SLC22A25: variants seen among roughly 807,000 people sequenced by gnomAD.
SLC22A25 encodes the protein solute carrier family 22 member 25, also known as MGI:2442751, MGI:2385316, MGI:3042283, MGI:3645714, MGI:3605624, MGI:2442750.
A neutral mutation model predicts 45.9 loss-of-function variants in SLC22A25; 44 were observed. The observed-to-expected ratio is 0.96, with a 90% CI of 0.75 to 1.23. The LOEUF (loss-of-function observed/expected upper bound fraction) is 1.23, where lower values mean the gene tolerates loss of function less well. Among genes scored for constraint, SLC22A25 ranks in the 50% most tolerant of loss-of-function variants. The pLI, the probability that SLC22A25 is intolerant of heterozygous loss-of-function variation, is 0.00. For synonymous variants in SLC22A25, 283 were observed against 238.6 expected (o/e 1.19, Z -1.72); for missense variants, 800 against 666.4 (o/e 1.20, Z -2.21).
At chr11:63,207,125 G>T (rs2089427513) in intron 7 of SLC22A25, among the ~76,000 whole-genome samples, 1 of 152,114 alleles carries the variant, frequency 6.6e-6, no homozygotes, top group African/African-American at 2.4e-5. Context: ...AACTCAGGAT[G>T]AATTAAAGAC....
intron 5 of SLC22A25, among the ~76,000 whole-genome samples, chr11:63,227,983 C>A (rs1442680908): frequency 6.6e-6 from 1 of 152,202 alleles, no homozygotes. Context: ...ATTCTCTGTG[C>A]CACATGGCCA....
At chr11:63,198,161 T>C (rs2089118056) in intron 7 of SLC22A25, among the ~76,000 whole-genome samples, 1 of 152,214 alleles carries the variant, frequency 6.6e-6, no homozygotes, top group Non-Finnish European at 1.5e-5. Flanking sequence ...TGGAAGACAG[T>C]GTGGTGATTC....
chr11:63,170,757 C>T (rs1361493822), intron 9 of SLC22A25, among the ~76,000 whole-genome samples: 1 of 148,728 alleles, frequency 6.7e-6, no homozygotes, highest in East Asian at 1.9e-4. Context: ...TGGAACAATT[C>T]CTTCTGAAAA....
At chr11:63,231,915 T>C (rs1054457215) in intron 3 of SLC22A25, among the ~76,000 whole-genome samples, 14 of 152,210 alleles carry the variant, frequency 9.2e-5, no homozygotes, top group Admixed American at 5.9e-4. Context: ...CTTGTTTTTG[T>C]CAGGTTTGTC....
intron 7 of SLC22A25, among the ~76,000 whole-genome samples, chr11:63,189,664 T>C (rs991707176): frequency 1.3e-5 from 2 of 152,198 alleles, no homozygotes; most frequent in Non-Finnish European, 2.9e-5. Flanking sequence ...ATTTGGCATG[T>C]TTCTGCAGTG....
chr11:63,238,098 C>T (rs192270182), intron 2 of SLC22A25, 86 bp from the exon 3 acceptor site: 2 of 152,286 alleles, frequency 1.3e-5, no homozygotes, highest in Admixed American at 1.3e-4. Context: ...CTGAACATGA[C>T]CTGAATGTTT....
At chr11:63,242,743 C>G (rs2090270461) in intron 1 of SLC22A25, among the ~76,000 whole-genome samples, 1 of 152,188 alleles carries the variant, frequency 6.6e-6, no homozygotes, top group Non-Finnish European at 1.5e-5. Flanking sequence ...CCCTCATAGA[C>G]TGTGATCCCT....
At chr11:63,193,513 G>A (rs2088889190) in intron 7 of SLC22A25, among the ~76,000 whole-genome samples, 1 of 152,234 alleles carries the variant, frequency 6.6e-6, no homozygotes, top group Non-Finnish European at 1.5e-5. Context: ...TGACACCCAG[G>A]CAAACAGGGT....
chr11:63,173,178 T>C (rs943990567), intron 9 of SLC22A25, among the ~76,000 whole-genome samples: 2 of 113,700 alleles, frequency 1.8e-5, no homozygotes, highest in East Asian at 2.7e-4. Context: ...TGGGAACACA[T>C]GGACACAGGG....
At chr11:63,197,650 G>C (rs923550003) in intron 7 of SLC22A25, among the ~76,000 whole-genome samples, 2 of 152,176 alleles carry the variant, frequency 1.3e-5, no homozygotes, top group African/African-American at 4.8e-5. Context: ...GTACCATTCA[G>C]GACCTAGGCA....
At chr11:63,171,170 TAAG>T (rs2087869297) in intron 9 of SLC22A25, among the ~76,000 whole-genome samples, 1 of 152,118 alleles carries the variant, frequency 6.6e-6, no homozygotes, top group African/African-American at 2.4e-5. Context: ...CTCAAAATAA[TAAG>T]AGCTATTTAT....
At chr11:63,231,437 C>G (rs982534710) in intron 3 of SLC22A25, among the ~76,000 whole-genome samples, 1 of 152,228 alleles carries the variant, frequency 6.6e-6, no homozygotes, top group African/African-American at 2.4e-5. Context: ...CTTTTGACTG[C>G]ATAAATGTCT....
chr11:63,207,423 G>GA (rs1365204149), intron 7 of SLC22A25, among the ~76,000 whole-genome samples: 8 of 151,894 alleles, frequency 5.3e-5, no homozygotes, highest in African/African-American at 1.5e-4. Flanking sequence ...AAATTTACAA[G>GA]AAAAAAATAC....
chr11:63,195,806 A>AT (rs150871665), intron 7 of SLC22A25, among the ~76,000 whole-genome samples: 18,681 of 152,178 alleles, frequency 0.12, 2,107 homozygotes, highest in African/African-American at 0.3. Context: ...AAATTAATGA[A>AT]TCCAGGAGCT....
intron 9 of SLC22A25, among the ~76,000 whole-genome samples, chr11:63,168,259 C>T (rs1446705143): frequency 6.6e-6 from 1 of 152,180 alleles, no homozygotes; most frequent in African/African-American, 2.4e-5. Flanking sequence ...AATGCGTCTT[C>T]TCCTCCAAAT....
Position 63,229,378 on chromosome 11 carries a change from A to T in SLC22A25, c.275T>A (p.Val92Asp), listed in dbSNP as rs754069661. The change falls in exon 4 of 12, where the codon GTC (valine) becomes GAC (aspartate). Residue 92 changes from valine (V) to aspartate (D), a missense_variant. Val to Asp is a radical substitution (Grantham distance 152). Transcript: ENST00000306494. ...NLRPEKCRRF[V>D]HPQWKLIHLN... Reference sequence around the variant, plus strand: ...ATGAATGAGCTTCCACTGGGGATGGACAAAGCGACGACACTTCTCTGGCCT... The same window carrying T: ...ATGAATGAGCTTCCACTGGGGATGGTCAAAGCGACGACACTTCTCTGGCCT... 1 of 1,614,098 alleles carries T rather than the reference A, an allele frequency of 6.2e-7. No individual in the cohort carries two copies. The highest frequency in any genetic ancestry group is 1.3e-5 in the African/African-American group (1 of 75,050).
intron 5 of SLC22A25, among the ~76,000 whole-genome samples, chr11:63,220,649 A>G (rs1451599455): frequency 6.6e-6 from 1 of 152,182 alleles, no homozygotes; most frequent in Non-Finnish European, 1.5e-5. Context: ...GTTATTTTAA[A>G]GTGTACAATT....
At chr11:63,188,130 C>T (rs191270154) in intron 7 of SLC22A25, among the ~76,000 whole-genome samples, 6 of 152,296 alleles carry the variant, frequency 3.9e-5, no homozygotes, top group East Asian at 1.9e-4. Context: ...ATACCAGCTC[C>T]TCTTTGTACC....
At chr11:63,191,518 C>T (rs1023714062) in intron 7 of SLC22A25, among the ~76,000 whole-genome samples, 2 of 152,164 alleles carry the variant, frequency 1.3e-5, no homozygotes, top group Non-Finnish European at 2.9e-5. Flanking sequence ...CCTCACCCTG[C>T]TTCAGCTCAT....
Sources: allele counts gnomAD v4.1 joint callset (sites outside exome capture counted in the v4.1 genomes callset), GRCh38; gene constraint gnomAD v4.1.1; transcripts MANE v1.5; gene names NCBI Gene and HGNC (gene_info 2026-07-23, HGNC 2026-07-21).